The following LRRTM4 variants were observed in gnomAD, a reference collection of about 807,000 sequenced individuals.
LRRTM4 encodes the protein leucine-rich repeat transmembrane neuronal protein 4.
In LRRTM4, 25 loss-of-function variants were observed where a neutral mutation model predicts 47.6. The ratio of observed to expected loss-of-function variants is 0.53; its 90% confidence interval spans 0.38 to 0.73. The LOEUF (loss-of-function observed/expected upper bound fraction) is 0.73, where lower values mean the gene tolerates loss of function less well. LRRTM4 is among the 30% of genes least tolerant of loss of function. LRRTM4 has a pLI of 0.00. For synonymous variants in LRRTM4, 311 were observed against 269.5 expected (o/e 1.15, Z -1.51); for missense variants, 638 against 713.4 (o/e 0.89, Z 1.20).
rs1268507621 is a variant in LRRTM4 at position 76,748,540 on chromosome 2, G to T, written c.*155C>A. 1 of 634,942 alleles carries T rather than the reference G, an allele frequency of 1.6e-6. No individual in the cohort carries two copies. The highest frequency in any genetic ancestry group is 2.7e-6 in the Non-Finnish European group (1 of 372,414). The allele number at this position is 634,942 out of a possible 1,614,324, so 39.3% of individuals were successfully genotyped here. A position where few individuals can be genotyped will look rare whatever the true frequency, so the allele number is the denominator to read the frequency against. Reference sequence around the variant, plus strand: ...GTGCATTCGCTGCCCTCTTCAAGCAGTTTTTTTTTCTCTTTTTCTTTTCTC... The same window carrying T: ...GTGCATTCGCTGCCCTCTTCAAGCATTTTTTTTTTCTCTTTTTCTTTTCTC... On this transcript the variant is annotated 3_prime_UTR_variant, in exon 4 of 4. Coordinates refer to ENST00000409884, the MANE Select transcript of LRRTM4 (RefSeq NM_001134745.3).
At chr2:76,868,679 A>G (rs1254949387) in intron 3 of LRRTM4, among the ~76,000 whole-genome samples, 1 of 152,198 alleles carries the variant, frequency 6.6e-6, no homozygotes, top group Non-Finnish European at 1.5e-5. Context: ...GTAATAAAAA[A>G]TATTCAGTGG....
At chr2:76,873,506 G>GTGTGTGTATATATATATA (rs367573475) in intron 3 of LRRTM4, among the ~76,000 whole-genome samples, 2 of 112,312 alleles carry the variant, frequency 1.8e-5, no homozygotes, top group African/African-American at 6.5e-5. Context: ...ATATATGTGT[G>GTGTGTGTATATATATATA]TATATATATA....
intron 3 of LRRTM4, among the ~76,000 whole-genome samples, chr2:76,955,339 G>A (rs188121881): frequency 6.6e-6 from 1 of 151,840 alleles, no homozygotes; most frequent in African/African-American, 2.4e-5. Context: ...AGTCCGTTGG[G>A]AGAAAAAAAG....
At chr2:76,919,594 A>G (rs980579621) in intron 3 of LRRTM4, among the ~76,000 whole-genome samples, 4 of 152,138 alleles carry the variant, frequency 2.6e-5, no homozygotes, top group African/African-American at 9.6e-5. Flanking sequence ...AAAGTTGGGA[A>G]AATTGTGAAA....
Position 77,117,994 on chromosome 2 carries a change from T to C in LRRTM4, c.1552-369078A>G, listed in dbSNP as rs1032735500. Among the ~76,000 whole-genome samples the C allele has an allele frequency of 8.6e-5, 13 of 152,000 alleles. 1 individual carries two copies. The highest frequency in any genetic ancestry group is 2.7e-4 in the African/African-American group (11 of 41,448). ...CACTGCAAATTACTATCAAAATATA[T>C]AGCTTATTTCACAAGTAAATAACTA... On this transcript the variant is annotated intron_variant, in intron 3 of 3. Coordinates refer to ENST00000409884, the MANE Select transcript of LRRTM4 (RefSeq NM_001134745.3).
intron 3 of LRRTM4, among the ~76,000 whole-genome samples, chr2:76,847,717 CTTTTA>C (rs1558690745): frequency 4.6e-5 from 7 of 151,538 alleles, no homozygotes; most frequent in African/African-American, 1.5e-4. Context: ...TAGACACTCA[CTTTTA>C]TTTTACCTTT....
At chr2:77,008,093 G>A (rs1446704) in intron 3 of LRRTM4, among the ~76,000 whole-genome samples, 53,442 of 152,002 alleles carry the variant, frequency 0.35, 10,513 homozygotes, top group East Asian at 0.52. Flanking sequence ...TTAACCAATC[G>A]CTTATGTTTG....
At chr2:76,857,783 T>C (rs1672198292) in intron 3 of LRRTM4, among the ~76,000 whole-genome samples, 1 of 152,170 alleles carries the variant, frequency 6.6e-6, no homozygotes, top group Non-Finnish European at 1.5e-5. Context: ...TTCATTTTAA[T>C]TCCATAATAT....
intron 3 of LRRTM4, among the ~76,000 whole-genome samples, chr2:76,882,435 T>C (rs1302531841): frequency 2.0e-5 from 3 of 152,078 alleles, no homozygotes; most frequent in African/African-American, 7.2e-5. Flanking sequence ...CTCACATCTG[T>C]AACCCTTGCA....
chr2:77,498,119 T>A (rs1048170822), intron 3 of LRRTM4, among the ~76,000 whole-genome samples: 3 of 151,934 alleles, frequency 2.0e-5, no homozygotes, highest in African/African-American at 7.2e-5. Context: ...ATTTTCTTTT[T>A]AATTTCAGCC....
chr2:76,973,705 C>T (rs917411816), intron 3 of LRRTM4, among the ~76,000 whole-genome samples: 13 of 151,736 alleles, frequency 8.6e-5, no homozygotes, highest in African/African-American at 2.9e-4. Context: ...TTCCATCTTT[C>T]GACAAGATGG....
chr2:76,911,940 G>GTT (rs1364530510), intron 3 of LRRTM4, among the ~76,000 whole-genome samples: 1,555 of 136,330 alleles, frequency 0.011, 82 homozygotes, highest in African/African-American at 0.04. Flanking sequence ...CTTTTTGGGG[G>GTT]GGGGGGGGGG....
At chr2:77,068,935 G>A (rs770166772) in intron 3 of LRRTM4, among the ~76,000 whole-genome samples, 6 of 151,224 alleles carry the variant, frequency 4.0e-5, no homozygotes, top group Middle Eastern at 3.4e-3. Context: ...ACAAACAATA[G>A]CATGAGCGAT....
intron 3 of LRRTM4, among the ~76,000 whole-genome samples, chr2:77,262,642 C>T (rs1393650319): frequency 2.0e-5 from 3 of 151,574 alleles, no homozygotes; most frequent in African/African-American, 7.3e-5. Context: ...ACTGATTGGG[C>T]ATTTTGTAAA....
chr2:77,015,346 C>CT (rs563580385), intron 3 of LRRTM4, among the ~76,000 whole-genome samples: 13 of 151,790 alleles, frequency 8.6e-5, no homozygotes, highest in East Asian at 3.9e-4. Context: ...ATTTATTTAT[C>CT]TTTTTTTTGA....
intron 3 of LRRTM4, among the ~76,000 whole-genome samples, chr2:77,060,234 A>T (rs552858637): frequency 1.1e-3 from 167 of 152,320 alleles, no homozygotes; most frequent in Middle Eastern, 3.4e-3. Flanking sequence ...AAGCCTGTAA[A>T]TATATGCCTA....
At chr2:77,175,074 CTTTT>C (rs34057321) in intron 3 of LRRTM4, among the ~76,000 whole-genome samples, 2 of 138,386 alleles carry the variant, frequency 1.4e-5, no homozygotes, top group East Asian at 2.1e-4. Flanking sequence ...TTTCTTTTTT[CTTTT>C]TTTTTTTTTT....
At chr2:77,320,580 C>G (rs766227691) in intron 3 of LRRTM4, among the ~76,000 whole-genome samples, 4 of 151,858 alleles carry the variant, frequency 2.6e-5, no homozygotes, top group Non-Finnish European at 4.4e-5. Context: ...CATCATAAGG[C>G]AATTAAGTGG....
chr2:77,222,558 A>T (rs532765157), intron 3 of LRRTM4, among the ~76,000 whole-genome samples: 1 of 152,232 alleles, frequency 6.6e-6, no homozygotes, highest in Non-Finnish European at 1.5e-5. Context: ...ACAAACTATC[A>T]TCAGAGAATA....
Sources: allele counts gnomAD v4.1 joint callset (sites outside exome capture counted in the v4.1 genomes callset), GRCh38; gene constraint gnomAD v4.1.1; transcripts MANE v1.5; gene names NCBI Gene and HGNC (gene_info 2026-07-23, HGNC 2026-07-21).